MIER2: variants seen among roughly 807,000 people sequenced by gnomAD.
MIER2 encodes MIER family member 2.
MIER2 carries 30 observed loss-of-function variants against 67.6 expected under a neutral mutation model. That is an observed-to-expected ratio of 0.44 (90% CI 0.33 to 0.60). The LOEUF (loss-of-function observed/expected upper bound fraction) is 0.60, where lower values mean the gene tolerates loss of function less well. MIER2 is among the 20% of genes least tolerant of loss of function. The pLI, the probability that MIER2 is intolerant of heterozygous loss-of-function variation, is 0.02. For synonymous variants in MIER2, 372 were observed against 312.6 expected (o/e 1.19, Z -2.00); for missense variants, 702 against 745.1 (o/e 0.94, Z 0.67).
At chr19:321,806 G>C (rs1343478587) in intron 7 of MIER2, among the ~76,000 whole-genome samples, 1 of 152,180 alleles carries the variant, frequency 6.6e-6, no homozygotes, top group Non-Finnish European at 1.5e-5. Flanking sequence ...CTCCGGGTGA[G>C]ACAAGACACA....
At position 306,074 on chromosome 19, in the gene MIER2, G is replaced by C. The variant is rs554928251; in HGVS notation, c.*616C>G. On this transcript the variant is annotated 3_prime_UTR_variant, in exon 14 of 14. Transcript: ENST00000264819. ...GGGAAGAGGCAGGTGGGGGTGTAAAGTGCGGCTTTTCCTGAAGTGGAGACG... is the reference window on the plus strand; with the variant it reads ...GGGAAGAGGCAGGTGGGGGTGTAAACTGCGGCTTTTCCTGAAGTGGAGACG... 2.0e-5 allele frequency: 3 copies of C among 153,286 alleles called. No homozygotes were observed. The highest frequency in any genetic ancestry group is 6.5e-5 in the Admixed American group (1 of 15,336). The allele number at this position is 153,286 out of a possible 1,614,324, so 9.5% of individuals were successfully genotyped here.
intron 3 of MIER2, among the ~76,000 whole-genome samples, chr19:329,172 C>A (rs944277610): frequency 6.6e-6 from 1 of 152,116 alleles, no homozygotes; most frequent in African/African-American, 2.4e-5. Context: ...CCAGCTCCTG[C>A]CCAGACTCAA....
intron 10 of MIER2, among the ~76,000 whole-genome samples, chr19:311,583 G>C (rs1323701769): frequency 6.6e-6 from 1 of 151,892 alleles, no homozygotes; most frequent in African/African-American, 2.4e-5. Context: ...GGGGTGGAAT[G>C]TGAGGCAGAA....
intron 7 of MIER2, among the ~76,000 whole-genome samples, chr19:324,089 C>G (rs925834901): frequency 7.6e-6 from 1 of 131,202 alleles, no homozygotes; most frequent in African/African-American, 3.2e-5. Flanking sequence ...GCAGACGACT[C>G]AAAGGACATA....
chr19:308,530 C>A lies in MIER2; in HGVS notation c.1198+47G>T. ...CTCCACCGGGCCTCACTCACGGCTCCAGACCCGTGGCCGCCCCCAGGGCAG... is the reference window on the plus strand; with the variant it reads ...CTCCACCGGGCCTCACTCACGGCTCAAGACCCGTGGCCGCCCCCAGGGCAG... On this transcript the variant is annotated intron_variant, in intron 12 of 13. Transcript: ENST00000264819. This position sits in a 1 kb window ranked among gnomAD's most constrained non-coding sequence, Gnocchi z 9.1. 6.5e-7 allele frequency: 1 copy of A among 1,532,864 alleles called. No individual in the cohort carries two copies. Among genetic ancestry groups the A allele is most frequent in the Non-Finnish European group, 8.8e-7 (1 of 1,134,348 alleles). The allele number at this position is 1,532,864 out of a possible 1,614,324, so 95.0% of individuals were successfully genotyped here.
At chr19:341,514 C>T (rs955258825) in intron 1 of MIER2, among the ~76,000 whole-genome samples, 2 of 152,092 alleles carry the variant, frequency 1.3e-5, no homozygotes, top group Admixed American at 6.6e-5. Context: ...CATTTCCAGG[C>T]GACTCTGAGT....
At chr19:321,804 G>C (rs1971514950) in intron 7 of MIER2, among the ~76,000 whole-genome samples, 2 of 152,182 alleles carry the variant, frequency 1.3e-5, no homozygotes, top group South Asian at 4.1e-4. Flanking sequence ...GACTCCGGGT[G>C]AGACAAGACA....
chr19:329,861 C>T (rs1287400196), intron 3 of MIER2, among the ~76,000 whole-genome samples: 3 of 114,046 alleles, frequency 2.6e-5, no homozygotes, highest in Admixed American at 9.3e-5. Flanking sequence ...AGCAATACTC[C>T]GTCTCAAAAA....
chr19:317,881 A>T (rs2145410982), intron 7 of MIER2, among the ~76,000 whole-genome samples: 1 of 152,334 alleles, frequency 6.6e-6, no homozygotes, highest in South Asian at 2.1e-4. Context: ...AAAGTCTATT[A>T]AAAGACAATG....
chr19:341,341 C>T (rs1031201356), intron 1 of MIER2, among the ~76,000 whole-genome samples: 1 of 152,138 alleles, frequency 6.6e-6, no homozygotes, highest in Non-Finnish European at 1.5e-5. Flanking sequence ...TAACATATGG[C>T]CCCAGGAGAG....
Position 308,688 on chromosome 19 carries a change from G to C in MIER2, c.1110-23C>G, listed in dbSNP as rs1970782317. ...TCCCTGTGGGGAGAGGGCGCCATGA[G>C]GGGCGGCAGACAGGACAGACGCCCC... is the stretch of plus-strand genomic sequence containing the variant. On this transcript the variant is annotated intron_variant, in intron 11 of 13. Transcript: ENST00000264819. This position sits in a 1 kb window ranked among gnomAD's most constrained non-coding sequence, Gnocchi z 9.1. The C allele has an allele frequency of 6.3e-7, 1 of 1,599,722 alleles. No homozygotes were observed. The highest frequency in any genetic ancestry group is 1.3e-5 in the African/African-American group (1 of 74,704).
chr19:308,905 G>A lies in MIER2; in HGVS notation c.1005C>T (p.Gly335=), dbSNP rs773640885. The A allele has an allele frequency of 6.0e-5, 97 of 1,605,846 alleles. 1 individual carries two copies. The highest frequency in any genetic ancestry group is 3.4e-4 in the South Asian group (31 of 90,972). The part of the protein sequence containing the change: ...QANKVRTRSV[G]ECVEYYYLWK... Reference sequence around the variant, plus strand: ...ACAGGTAGTAGTACTCGACACACTCGCCCACTGACCGTGTGCGCACCTGCG... The same window carrying A: ...ACAGGTAGTAGTACTCGACACACTCACCCACTGACCGTGTGCGCACCTGCG... The change falls in exon 11 of 14, where the codon GGC becomes GGT. Residue 335 remains glycine, a synonymous_variant. Coordinates refer to ENST00000264819, the MANE Select transcript of MIER2 (RefSeq NM_017550.3). The surrounding 1 kb of genome is among the most constrained non-coding windows in gnomAD (Gnocchi z 9.1).
At chr19:332,531 A>C (rs1487455118) in intron 3 of MIER2, among the ~76,000 whole-genome samples, 1 of 149,994 alleles carries the variant, frequency 6.7e-6, no homozygotes, top group African/African-American at 2.5e-5. Context: ...AGAACTCCTG[A>C]CCTCAGGTGA....
Position 334,544 on chromosome 19 carries a change from T to C in MIER2, c.101-2A>G, listed in dbSNP as rs201995411. Reference sequence around the variant, plus strand: ...GGTCTCCAGAGCCCATGGACACCACTGGGGAGAAGAGAGCAGCCCAGGTGA... The same window carrying C: ...GGTCTCCAGAGCCCATGGACACCACCGGGGAGAAGAGAGCAGCCCAGGTGA... On this transcript the variant is annotated splice_acceptor_variant, in intron 2 of 13. Coordinates refer to ENST00000264819, the MANE Select transcript of MIER2 (RefSeq NM_017550.3). LOFTEE classifies it high-confidence loss of function. The C allele has an allele frequency of 3.2e-5, 52 of 1,613,414 alleles. No individual in the cohort carries two copies. The highest frequency in any genetic ancestry group is 3.6e-5 in the Non-Finnish European group (42 of 1,179,916).
chr19:344,262 C>T, intron 1 of MIER2: 3 of 985,364 alleles, frequency 3.0e-6, no homozygotes, highest in Non-Finnish European at 3.6e-6. Context: ...GGGTCTGACC[C>T]AGCCCCGCCG....
At chr19:321,065 T>C (rs1281237124) in intron 7 of MIER2, among the ~76,000 whole-genome samples, 2 of 152,168 alleles carry the variant, frequency 1.3e-5, no homozygotes, top group Non-Finnish European at 1.5e-5. Flanking sequence ...CAGTAAAAGA[T>C]CTGAGAGCCA....
chr19:308,226 G>A lies in MIER2; in HGVS notation c.1198+351C>T, dbSNP rs1198749500. On this transcript the variant is annotated intron_variant, in intron 12 of 13. Transcript: ENST00000264819. This position sits in a 1 kb window ranked among gnomAD's most constrained non-coding sequence, Gnocchi z 9.1. ...CGGCTCCGGACACCCTGTCCTTCCT[G>A]AGTGTCCTGGTGACGGGCTAAGTCC... 6.6e-6 allele frequency among the ~76,000 whole-genome samples: 1 copy of A among 152,198 alleles called. No individual in the cohort carries two copies. Among genetic ancestry groups the A allele is most frequent in the Non-Finnish European group, 1.5e-5 (1 of 68,028 alleles).
rs149269016 is a variant in MIER2 at position 334,507 on chromosome 19, G to C, written c.136C>G (p.Leu46Val). ...SMGSGDHQFNLAEILSQNYSV... is the reference protein window; with the variant it reads ...SMGSGDHQFNVAEILSQNYSV... ...TAGTTCTGTGACAGGATCTCTGCGAGGTTGAACTGATGGTCTCCAGAGCCC... is the reference window on the plus strand; with the variant it reads ...TAGTTCTGTGACAGGATCTCTGCGACGTTGAACTGATGGTCTCCAGAGCCC... The change falls in exon 3 of 14, where the codon CTC becomes GTC. Residue 46 changes from leucine (L) to valine (V), a missense_variant. Leu to Val is a conservative substitution (Grantham distance 32). Coordinates refer to ENST00000264819, the MANE Select transcript of MIER2 (RefSeq NM_017550.3). 1.2e-6 allele frequency: 2 copies of C among 1,614,148 alleles called. No individual in the cohort carries two copies. The highest frequency in any genetic ancestry group is 1.7e-6 in the Non-Finnish European group (2 of 1,180,028).
chr19:336,013 C>T, intron 2 of MIER2, 70 bp downstream of exon 2: 3 of 1,463,572 alleles, frequency 2.0e-6, no homozygotes, highest in East Asian at 2.3e-5. Context: ...CCAGGCCCAG[C>T]AGGCATTCTG....
Sources: gnomAD v4.1 joint callset for allele counts (sites outside exome capture counted in the v4.1 genomes callset) on GRCh38, gnomAD v4.1.1 for gene constraint, Gnocchi (gnomAD v3.1) non-coding constraint, MANE v1.5 for transcripts, NCBI Gene and HGNC (gene_info 2026-07-23, HGNC 2026-07-21) for gene names.